The following DPYD variants were observed in gnomAD, a reference collection of about 807,000 sequenced individuals.
DPYD encodes dihydropyrimidine dehydrogenase [NADP(+)].
A neutral mutation model predicts 116.2 loss-of-function variants in DPYD; 109 were observed. The observed-to-expected ratio is 0.94, with a 90% CI of 0.80 to 1.10. DPYD has a LOEUF of 1.10. Ranked by LOEUF, DPYD falls within the 50% of genes least tolerant of loss-of-function variation. The pLI is 0.00. For missense variants in DPYD, 1,302 were observed against 1,254.5 expected, an observed-to-expected ratio of 1.04 and a Z score of -0.57; for synonymous variants, 440 against 432.0, an observed-to-expected ratio of 1.02 and a Z score of -0.23.
intron 7 of DPYD, among the ~76,000 whole-genome samples, chr1:97,682,192 T>C (rs1660460248): frequency 1.3e-5 from 2 of 151,998 alleles, no homozygotes; most frequent in South Asian, 4.1e-4. Context: ...CAAATGGGGA[T>C]AGAAAACAGT....
intron 13 of DPYD, among the ~76,000 whole-genome samples, chr1:97,452,848 T>C (rs1333060838): frequency 6.6e-6 from 1 of 152,152 alleles, no homozygotes; most frequent in East Asian, 1.9e-4. Flanking sequence ...ATGCTTCCTA[T>C]AGAGCCTGCA....
chr1:97,127,679 C>T (rs767154676), intron 20 of DPYD, among the ~76,000 whole-genome samples: 5 of 152,164 alleles, frequency 3.3e-5, no homozygotes, highest in African/African-American at 4.8e-5. Flanking sequence ...TAGTCCCCTA[C>T]TGGCATCTTT....
intron 16 of DPYD, among the ~76,000 whole-genome samples, chr1:97,320,429 T>C (rs1668178866): frequency 3.7e-5 from 2 of 54,310 alleles, no homozygotes; most frequent in South Asian, 1.2e-3. Flanking sequence ...AGCATTCTTA[T>C]ACACCAACAA....
intron 18 of DPYD, among the ~76,000 whole-genome samples, chr1:97,284,762 T>C (rs1483269406): frequency 6.6e-6 from 1 of 152,182 alleles, no homozygotes; most frequent in Non-Finnish European, 1.5e-5. Flanking sequence ...CATATTTTTC[T>C]ACATTTTCTG....
intron 13 of DPYD, among the ~76,000 whole-genome samples, chr1:97,482,927 A>G (rs1678405481): frequency 6.6e-6 from 1 of 152,180 alleles, no homozygotes; most frequent in African/African-American, 2.4e-5. Flanking sequence ...TTGTAGCTAT[A>G]TAAATATTGG....
chr1:97,558,521 T>C (rs2102124287), intron 11 of DPYD, among the ~76,000 whole-genome samples: 2 of 152,262 alleles, frequency 1.3e-5, no homozygotes, highest in East Asian at 3.9e-4. Context: ...ACATAGTGAA[T>C]TTCTTTTGAT....
At chr1:97,594,907 C>A (rs1654769113) in intron 9 of DPYD, 152 bp downstream of exon 9, 4 of 605,418 alleles carry the variant, frequency 6.6e-6, no homozygotes, top group East Asian at 3.0e-5. Context: ...AACTGTTATA[C>A]CCGGCCTTTT....
intron 2 of DPYD, among the ~76,000 whole-genome samples, chr1:97,865,585 T>C (rs1014236362): frequency 3.3e-5 from 5 of 151,950 alleles, no homozygotes; most frequent in Non-Finnish European, 2.9e-5. Flanking sequence ...TCACAATATA[T>C]AGGCAGTAAA....
intron 3 of DPYD, among the ~76,000 whole-genome samples, chr1:97,827,227 G>C (rs1351027499): frequency 6.6e-6 from 1 of 151,952 alleles, no homozygotes. Flanking sequence ...AATCTCTTTA[G>C]CCTTAACATC....
At chr1:97,448,974 G>C (rs563519090) in intron 14 of DPYD, among the ~76,000 whole-genome samples, 122 of 151,606 alleles carry the variant, frequency 8.0e-4, no homozygotes, top group African/African-American at 2.9e-3. Context: ...TTTATTTCAA[G>C]TTTATTTTAT....
At chr1:97,198,974 C>G (rs1488581879) in intron 19 of DPYD, among the ~76,000 whole-genome samples, 1 of 152,122 alleles carries the variant, frequency 6.6e-6, no homozygotes, top group African/African-American at 2.4e-5. Flanking sequence ...GGGTCTGACA[C>G]AGTGCCCTGA....
chr1:97,270,238 G>T (rs1436895823), intron 18 of DPYD, among the ~76,000 whole-genome samples: 1 of 152,152 alleles, frequency 6.6e-6, no homozygotes, highest in East Asian at 1.9e-4. Context: ...CGGAGAATGG[G>T]TTTAGTCTTC....
chr1:97,335,543 T>C (rs1455761054), intron 16 of DPYD, among the ~76,000 whole-genome samples: 2 of 150,648 alleles, frequency 1.3e-5, no homozygotes, highest in Non-Finnish European at 2.9e-5. Flanking sequence ...TGTTTCTCCA[T>C]GGGAATCACT....
intron 3 of DPYD, among the ~76,000 whole-genome samples, chr1:97,819,619 T>C (rs1399139589): frequency 1.3e-5 from 2 of 152,066 alleles, no homozygotes; most frequent in African/African-American, 2.4e-5. Flanking sequence ...ATTTATTTTA[T>C]ATTCTTCTTC....
chr1:97,579,394 T>C lies in DPYD; in HGVS notation c.1129-5424A>G, dbSNP rs569896837. Among the ~76,000 whole-genome samples the C allele has an allele frequency of 7.9e-5, 12 of 152,270 alleles. No homozygotes were observed. The South Asian group carries it at 1.2e-3, about 16-fold the overall frequency. The stretch of plus-strand genomic sequence containing the variant: ...AATGGCTATTAAACATCCATCCCAA[T>C]GTAAGTAACAGGACACAGCAGAAGA... On this transcript the variant is annotated intron_variant, in intron 10 of 22. Transcript: ENST00000370192.
intron 18 of DPYD, among the ~76,000 whole-genome samples, chr1:97,238,166 T>C (rs1662081823): frequency 6.6e-6 from 1 of 152,188 alleles, no homozygotes. Context: ...CTAACGCTTT[T>C]ATAATGTACC....
chr1:97,815,761 A>T (rs1668573166), intron 3 of DPYD, among the ~76,000 whole-genome samples: 1 of 152,192 alleles, frequency 6.6e-6, no homozygotes, highest in Non-Finnish European at 1.5e-5. Flanking sequence ...TGTCTTTAAG[A>T]TGCACAATAT....
intron 16 of DPYD, among the ~76,000 whole-genome samples, chr1:97,323,584 TC>T (rs1668519319): frequency 2.7e-5 from 2 of 74,514 alleles, no homozygotes; most frequent in South Asian, 5.2e-4. Flanking sequence ...TATATACATA[TC>T]ATATATACAT....
At chr1:97,804,154 A>C (rs1667969416) in intron 3 of DPYD, among the ~76,000 whole-genome samples, 1 of 151,714 alleles carries the variant, frequency 6.6e-6, no homozygotes. Context: ...CCTTATTCTC[A>C]TTTGTTATGA....
Sources: allele counts gnomAD v4.1 joint callset (sites outside exome capture counted in the v4.1 genomes callset), GRCh38; gene constraint gnomAD v4.1.1; transcripts MANE v1.5; gene names NCBI Gene and HGNC (gene_info 2026-07-23, HGNC 2026-07-21).